MAP3K7CL: variants seen among roughly 807,000 people sequenced by gnomAD.
The protein encoded by MAP3K7CL is MAP3K7 C-terminal like.
MAP3K7CL carries 16 observed loss-of-function variants against 18.6 expected under a neutral mutation model. That is an observed-to-expected ratio of 0.86 (90% CI 0.58 to 1.31). MAP3K7CL has a LOEUF of 1.31. Among genes scored for constraint, MAP3K7CL ranks in the 50% most tolerant of loss-of-function variants. MAP3K7CL has a pLI of 0.00. For missense variants in MAP3K7CL, 163 were observed against 174.4 expected (o/e 0.93, Z 0.37); for synonymous variants, 65 against 66.8 (o/e 0.97, Z 0.13).
At chr21:29,135,211 A>G (rs1355015394) in intron 2 of MAP3K7CL, among the ~76,000 whole-genome samples, 1 of 152,076 alleles carries the variant, frequency 6.6e-6, no homozygotes, top group African/African-American at 2.4e-5. Context: ...AACTTTCTCT[A>G]TTTTCGATGC....
At chr21:29,090,953 T>G (rs1441462028) in intron 1 of MAP3K7CL, among the ~76,000 whole-genome samples, 1 of 152,222 alleles carries the variant, frequency 6.6e-6, no homozygotes, top group African/African-American at 2.4e-5. Flanking sequence ...TTTTAAAATA[T>G]TTTATTTACT....
chr21:29,107,166 A>T (rs542615616), intron 4 of MAP3K7CL, among the ~76,000 whole-genome samples: 11 of 152,210 alleles, frequency 7.2e-5, no homozygotes, highest in African/African-American at 2.6e-4. Context: ...AAATACAAAA[A>T]TTAGTCGGGC....
intron 4 of MAP3K7CL, among the ~76,000 whole-genome samples, chr21:29,096,689 A>G (rs1290048347): frequency 6.6e-6 from 1 of 152,230 alleles, no homozygotes; most frequent in Non-Finnish European, 1.5e-5. Flanking sequence ...CAGGTGCCAG[A>G]AGCCAACTCA....
At chr21:29,141,801 A>G (rs879925743) in intron 2 of MAP3K7CL, among the ~76,000 whole-genome samples, 2 of 152,110 alleles carry the variant, frequency 1.3e-5, no homozygotes, top group Admixed American at 6.5e-5. Flanking sequence ...TCACATCTCT[A>G]GTGTTTAATA....
At chr21:29,109,246 C>G (rs2086378508) in intron 4 of MAP3K7CL, 1 of 1,534,864 alleles carries the variant, frequency 6.5e-7, no homozygotes, top group Non-Finnish European at 8.7e-7. Context: ...AGAAGAAATT[C>G]CATATATACA....
intron 4 of MAP3K7CL, among the ~76,000 whole-genome samples, chr21:29,099,074 T>TA (rs2086173707): frequency 6.6e-6 from 1 of 152,056 alleles, no homozygotes; most frequent in Non-Finnish European, 1.5e-5. Context: ...AGGCACAGTT[T>TA]AAAATACTAG....
chr21:29,091,152 CACATCTATAT>C (rs1248923396), intron 1 of MAP3K7CL, among the ~76,000 whole-genome samples: 2 of 152,190 alleles, frequency 1.3e-5, no homozygotes, highest in African/African-American at 4.8e-5. Flanking sequence ...TACTGGACAA[CACATCTATAT>C]ACATTCCTTT....
intron 4 of MAP3K7CL, among the ~76,000 whole-genome samples, chr21:29,092,909 T>A (rs902871835): frequency 6.6e-6 from 1 of 152,238 alleles, no homozygotes; most frequent in Non-Finnish European, 1.5e-5. Flanking sequence ...ATGACTTTTT[T>A]GTTTTTGTTT....
chr21:29,166,211 A>G (rs1255719602), intron 4 of MAP3K7CL, among the ~76,000 whole-genome samples: 2 of 152,114 alleles, frequency 1.3e-5, no homozygotes, highest in Non-Finnish European at 2.9e-5. Flanking sequence ...CTCTACATCA[A>G]TGAGATCAAC....
chr21:29,112,818 AT>A lies in MAP3K7CL; in HGVS notation c.370+20249del, dbSNP rs911065557. The stretch of plus-strand genomic sequence containing the variant: ...CTCCCAGCAAACGAGACCTTTGGAA[AT>A]TTTTTTTTTTTCTTTTTTTTTGAGA... On this transcript the variant is annotated intron_variant, in intron 4 of 6. Coordinates refer to the MAP3K7CL transcript ENST00000286791. Among the ~76,000 whole-genome samples, 891 of 146,780 alleles carry A rather than the reference AT, an allele frequency of 6.1e-3. 7 individuals are homozygous for A. Among genetic ancestry groups the A allele is most frequent in the African/African-American group, 0.02 (800 of 40,218 alleles).
chr21:29,127,661 T>C (rs2086702834), upstream of MAP3K7CL: 1 of 152,220 alleles, frequency 6.6e-6, no homozygotes, highest in South Asian at 2.1e-4. Flanking sequence ...TGTCAAATTA[T>C]CTTTTAATGA....
At chr21:29,081,762 A>G (rs1244350492), upstream of MAP3K7CL, among the ~76,000 whole-genome samples, 1 of 152,192 alleles carries the variant, frequency 6.6e-6, no homozygotes, top group Non-Finnish European at 1.5e-5. Flanking sequence ...GGTTCCTCAG[A>G]CCATTGTTTT....
intron 1 of MAP3K7CL, among the ~76,000 whole-genome samples, chr21:29,132,287 G>T (rs992325057): frequency 1.2e-4 from 15 of 127,696 alleles, no homozygotes; most frequent in African/African-American, 5.0e-4. Flanking sequence ...TTTATCTGCA[G>T]GATGTTTTTT....
chr21:29,157,109 A>G (rs2087425337), intron 3 of MAP3K7CL, among the ~76,000 whole-genome samples: 1 of 152,046 alleles, frequency 6.6e-6, no homozygotes, highest in South Asian at 2.1e-4. Context: ...TTTTGCATTG[A>G]TTTTTTTCTT....
chr21:29,098,030 TAAATA>T (rs1568933463), intron 4 of MAP3K7CL, among the ~76,000 whole-genome samples: 2 of 152,108 alleles, frequency 1.3e-5, no homozygotes, highest in Admixed American at 6.5e-5. Flanking sequence ...TAATTATAAT[TAAATA>T]AAATAAAAAA....
chr21:29,098,063 G>A (rs4350836), intron 4 of MAP3K7CL, among the ~76,000 whole-genome samples: 45,149 of 152,006 alleles, frequency 0.3, 6,922 homozygotes, highest in African/African-American at 0.37. Context: ...TCTTGGTCAT[G>A]CTAGCCATAC....
chr21:29,174,641 T>C, intron 4 of MAP3K7CL, 71 bp from the exon 5 acceptor site: 1 of 1,533,308 alleles, frequency 6.5e-7, no homozygotes, highest in Non-Finnish European at 8.9e-7. Context: ...TCCATCATGC[T>C]ATTACTGAAT....
intron 2 of MAP3K7CL, among the ~76,000 whole-genome samples, chr21:29,136,235 T>C (rs573880630): frequency 1.1e-4 from 16 of 152,348 alleles, no homozygotes; most frequent in East Asian, 9.6e-4. Context: ...GGACACTCCC[T>C]TTAAATTCTT....
chr21:29,107,175 G>C (rs1438939347), intron 4 of MAP3K7CL, among the ~76,000 whole-genome samples: 3 of 152,100 alleles, frequency 2.0e-5, no homozygotes, highest in Non-Finnish European at 4.4e-5. Flanking sequence ...AATTAGTCGG[G>C]CATGGTGGTG....
Sources: gnomAD v4.1 joint callset for allele counts (sites outside exome capture counted in the v4.1 genomes callset) on GRCh38, gnomAD v4.1.1 for gene constraint, MANE v1.5 for transcripts, NCBI Gene and HGNC (gene_info 2026-07-23, HGNC 2026-07-21) for gene names.